Variants in CD163L1 observed in about 807,000 individuals in gnomAD.
CD163L1 encodes CD163 molecule like 1.
A neutral mutation model predicts 165.4 loss-of-function variants in CD163L1; 124 were observed. The ratio of observed to expected loss-of-function variants is 0.75; its 90% CI spans 0.65 to 0.87. The LOEUF is 0.87. Among genes scored for constraint, CD163L1 ranks in the 40% least tolerant of loss-of-function variants. The pLI is 0.00. For synonymous variants in CD163L1, 585 were observed against 662.2 expected (o/e 0.88, Z 1.79); for missense variants, 1,525 against 1,799.9 (o/e 0.85, Z 2.76).
intron 4 of CD163L1, among the ~76,000 whole-genome samples, chr12:7,422,457 C>A (rs760679270): frequency 4.6e-5 from 7 of 151,822 alleles, no homozygotes; most frequent in African/African-American, 1.4e-4. Flanking sequence ...AATGACAGAA[C>A]GAGGCTTCAG....
chr12:7,440,406 C>T (rs1331194459), intron 2 of CD163L1, among the ~76,000 whole-genome samples: 1 of 151,416 alleles, frequency 6.6e-6, no homozygotes, highest in Non-Finnish European at 1.5e-5. Flanking sequence ...GCGGCGCGCC[C>T]AGCCCGGCCA....
At chr12:7,391,574 T>C (rs933847271) in intron 8 of CD163L1, among the ~76,000 whole-genome samples, 51 of 152,232 alleles carry the variant, frequency 3.4e-4, no homozygotes, top group African/African-American at 1.1e-3. Context: ...TTGTGATACA[T>C]GCACAAGCTT....
chr12:7,392,012 C>CA (rs1947666220), intron 8 of CD163L1, among the ~76,000 whole-genome samples: 1 of 152,102 alleles, frequency 6.6e-6, no homozygotes, highest in Non-Finnish European at 1.5e-5. Flanking sequence ...TTAGACAGAT[C>CA]AATAAGACAG....
At chr12:7,356,667 C>T (rs1272583449) in intron 19 of CD163L1, among the ~76,000 whole-genome samples, 1 of 152,084 alleles carries the variant, frequency 6.6e-6, no homozygotes, top group Non-Finnish European at 1.5e-5. Context: ...GCTTTCTAGT[C>T]CTTTGACTTC....
In CD163L1 at chr12:7,432,808, G is replaced by A. The variant is rs148653678; in HGVS notation, c.446-72C>T. 7.4e-5 allele frequency: 95 copies of A among 1,279,560 alleles called. No individual in the cohort carries two copies. In the African/African-American group the frequency reaches 1.2e-3, roughly 17 times the overall value. 79.3% of individuals were successfully genotyped at this position (1,279,560 alleles called of 1,614,324 possible). A position where few individuals can be genotyped will look rare whatever the true frequency, so the allele number is the denominator to read the frequency against. ...GCCTGAAATAAAATCAAAAGGATAC[G>A]TAGAAGACAGCCCTGTTATGAATGA... On this transcript the variant is annotated intron_variant, in intron 3 of 19. Coordinates refer to ENST00000313599, the MANE Select transcript of CD163L1 (RefSeq NM_174941.6). This position sits in a 1 kb window ranked among gnomAD's most constrained non-coding sequence, Gnocchi z 4.2.
At chr12:7,357,738 C>CT (rs1946807440) in intron 18 of CD163L1, 1 of 257,770 alleles carries the variant, frequency 3.9e-6, no homozygotes, top group Admixed American at 5.0e-5. Flanking sequence ...CTTCCAGTAT[C>CT]TTAAAAGCCT....
At chr12:7,365,436 T>G (rs904325020) in intron 18 of CD163L1, among the ~76,000 whole-genome samples, 4 of 151,934 alleles carry the variant, frequency 2.6e-5, no homozygotes, top group Admixed American at 6.6e-5. Context: ...CAATCAAAAA[T>G]CTTCTGCCAG....
downstream of CD163L1, among the ~76,000 whole-genome samples, chr12:7,342,375 G>A (rs1247762756): frequency 2.0e-5 from 3 of 152,108 alleles, no homozygotes; most frequent in Non-Finnish European, 4.4e-5. Flanking sequence ...CCTTTATTTT[G>A]GCCCATCCCT....
At chr12:7,434,681 AAAG>A (rs1343564991) in intron 2 of CD163L1, among the ~76,000 whole-genome samples, 4 of 151,470 alleles carry the variant, frequency 2.6e-5, no homozygotes, top group Middle Eastern at 3.4e-3. Flanking sequence ...AGAGAAAGAA[AAAG>A]AAGGAGAGAG....
chr12:7,367,148 T>C, intron 18 of CD163L1, 88 bp downstream of exon 18: 1 of 689,948 alleles, frequency 1.4e-6, no homozygotes, highest in Admixed American at 2.3e-5. Flanking sequence ...GAGACACATC[T>C]CCATCGAGTG....
rs186272957 is a variant in CD163L1 at position 7,364,446 on chromosome 12, A to G, written c.4279+2790T>C. ...ACTGGAAGTCCCAGCCAGAGCAATT[A>G]GGCAAGAGAAAGACATATGGGGCAT... On this transcript the variant is annotated intron_variant, in intron 18 of 19. Transcript: ENST00000313599. Among the ~76,000 whole-genome samples, 71 of 152,316 alleles carry G rather than the reference A, an allele frequency of 4.7e-4. No homozygotes were observed. In the East Asian group the frequency reaches 0.013, roughly 28 times the overall value.
At chr12:7,363,438 G>T (rs191877365) in intron 18 of CD163L1, among the ~76,000 whole-genome samples, 1 of 149,610 alleles carries the variant, frequency 6.7e-6, no homozygotes, top group East Asian at 2.0e-4. Context: ...AATAATCAGA[G>T]AAATAAATTA....
intron 2 of CD163L1, among the ~76,000 whole-genome samples, chr12:7,438,226 AATGG>A (rs1948765562): frequency 1.3e-5 from 2 of 152,198 alleles, no homozygotes; most frequent in African/African-American, 4.8e-5. Context: ...AACTGGAAAT[AATGG>A]ATGAAAAAAA....
rs1473429790 is a variant in CD163L1 at position 7,363,754 on chromosome 12, T to TA, written c.4279+3481dup. 2.1e-5 allele frequency among the ~76,000 whole-genome samples: 3 copies of TA among 144,212 alleles called. No individual in the cohort carries two copies. The East Asian group carries it at 6.2e-4, about 30-fold the overall frequency. 94.6% of individuals were successfully genotyped at this position (144,212 alleles called of 152,430 possible). ...AAAATAGAAAAGTTCAACAAATCAA[T>TA]AACAAGTCATGAGATCAAAGCCATA... On this transcript the variant is annotated intron_variant, in intron 18 of 19. Coordinates refer to ENST00000313599, the MANE Select transcript of CD163L1 (RefSeq NM_174941.6).
Position 7,369,654 on chromosome 12 carries a change from C to T in CD163L1, c.3742G>A (p.Val1248Met). 1 of 1,612,090 alleles carries T rather than the reference C, an allele frequency of 6.2e-7. No individual in the cohort carries two copies. Among genetic ancestry groups the T allele is most frequent in the Non-Finnish European group, 8.5e-7 (1 of 1,178,338 alleles). The change falls in exon 15 of 20, where the codon GTG (valine) becomes ATG (methionine). Residue 1248 changes from valine to methionine, a missense_variant. Val to Met is a conservative substitution (Grantham distance 21). Transcript: ENST00000313599. This position sits in a 1 kb window ranked among gnomAD's most constrained non-coding sequence, Gnocchi z 4.9. Reference protein sequence around the residue: ...TWITCEDRIRVRGGDTECSGR... With the variant: ...TWITCEDRIRMRGGDTECSGR... ...GAGCACTCGGTGTCTCCTCCACGCA[C>T]TCTTATTCTATCTACAAAGGCACAA...
intron 4 of CD163L1, among the ~76,000 whole-genome samples, chr12:7,348,859 T>C (rs2136362473): frequency 6.6e-6 from 1 of 152,118 alleles, no homozygotes; most frequent in South Asian, 2.1e-4. Flanking sequence ...ACTGAGTACT[T>C]TGGAATACTT....
chr12:7,350,074 G>A (rs1045882476), downstream of CD163L1, among the ~76,000 whole-genome samples: 1 of 152,140 alleles, frequency 6.6e-6, no homozygotes, highest in Non-Finnish European at 1.5e-5. Flanking sequence ...AAAATATGAG[G>A]AGCTACGGAG....
At chr12:7,363,862 AAAG>A (rs1565772129) in intron 18 of CD163L1, among the ~76,000 whole-genome samples, 2 of 152,054 alleles carry the variant, frequency 1.3e-5, no homozygotes, top group South Asian at 2.1e-4. Flanking sequence ...CCAACCATTT[AAAG>A]AAGAACTAAT....
At chr12:7,383,896 A>G (rs945875046) in intron 8 of CD163L1, among the ~76,000 whole-genome samples, 2 of 152,244 alleles carry the variant, frequency 1.3e-5, no homozygotes, top group Non-Finnish European at 2.9e-5. Flanking sequence ...TAAGGACACA[A>G]GAAACATAAA....
Sources: gnomAD v4.1 joint callset for allele counts (sites outside exome capture counted in the v4.1 genomes callset) on GRCh38, gnomAD v4.1.1 for gene constraint, Gnocchi (gnomAD v3.1) non-coding constraint, MANE v1.5 for transcripts, NCBI Gene and HGNC (gene_info 2026-07-23, HGNC 2026-07-21) for gene names.